The following DNAH10 variants were observed in gnomAD, a reference collection of about 807,000 sequenced individuals.
The protein encoded by DNAH10 is dynein axonemal heavy chain 10, also known as axonemal beta dynein heavy chain 10.
Under a neutral mutation model 506.6 loss-of-function variants are expected in DNAH10, and 348 were observed. The observed-to-expected ratio is 0.69, with a 90% CI of 0.63 to 0.75. The LOEUF (loss-of-function observed/expected upper bound fraction) is 0.75. Ranked by LOEUF, DNAH10 falls within the 30% of genes least tolerant of loss-of-function variation. The probability of loss-of-function intolerance (pLI) is 0.00; values close to 1 mark genes in which losing one functional copy is unlikely to be tolerated. For synonymous variants in DNAH10, 2,059 were observed against 2,198.6 expected, an observed-to-expected ratio of 0.94 and a Z score of 1.78; for missense variants, 5,179 against 5,787.1, an observed-to-expected ratio of 0.89 and a Z score of 3.41.
At position 123,931,856 on chromosome 12, in the gene DNAH10, G is replaced by C. The variant is rs201211325; in HGVS notation, c.13128+9G>C. ...TGGCTGAACTTCAAAGGGTGAGCCT[G>C]TCTCTCATGTGCAGATTACTGCCTA... On this transcript the variant is annotated intron_variant, in intron 75 of 78. Coordinates refer to ENST00000673944, the MANE Select transcript of DNAH10 (RefSeq NM_001372106.1). 1 of 1,613,804 alleles carries C rather than the reference G, an allele frequency of 6.2e-7. No individual in the cohort carries two copies. The highest frequency in any genetic ancestry group is 1.3e-5 in the African/African-American group (1 of 75,056).
At chr12:123,898,027 A>G (rs1371871264) in intron 55 of DNAH10, 60 bp downstream of exon 55, 3 of 1,440,006 alleles carry the variant, frequency 2.1e-6, no homozygotes, top group Non-Finnish European at 2.8e-6. Context: ...TAAGGATTCG[A>G]GCGCTGATCT....
Position 123,762,365 on chromosome 12 carries a change from G to A in DNAH10, c.29G>A (p.Arg10His). 7.3e-7 allele frequency: 1 copy of A among 1,363,172 alleles called. No individual in the cohort carries two copies. The highest frequency in any genetic ancestry group is 9.5e-7 in the Non-Finnish European group (1 of 1,054,766). 84.4% of individuals were successfully genotyped at this position (1,363,172 alleles called of 1,614,324 possible). Residue 10 changes from arginine to histidine, a missense_variant, in exon 1 of 79, where the codon CGC becomes CAC. Transcript: ENST00000673944. This position sits in a 1 kb window ranked among gnomAD's most constrained non-coding sequence, Gnocchi z 5.0. ...GACGACCTGCGGGTGCTGTGGATGC[G>A]CGACCGCGTGTATGCGGCTTTCGGC... Reference protein sequence around the residue: MDDLRVLWMRDRVYAAFGIT... With the variant: MDDLRVLWMHDRVYAAFGIT...
chr12:123,858,881 T>C (rs1439760347), intron 37 of DNAH10, among the ~76,000 whole-genome samples: 2 of 151,748 alleles, frequency 1.3e-5, no homozygotes, highest in Non-Finnish European at 2.9e-5. Flanking sequence ...AATACGCAAA[T>C]CCGTAGAGAC....
Position 123,919,377 on chromosome 12 carries a change from C to T in DNAH10, c.11506+428C>T, listed in dbSNP as rs988022789. On this transcript the variant is annotated intron_variant, in intron 65 of 78. Coordinates refer to ENST00000673944, the MANE Select transcript of DNAH10 (RefSeq NM_001372106.1). The surrounding 1 kb of genome is among the most constrained non-coding windows in gnomAD (Gnocchi z 4.9). ...AGGTGTGAGCCATCATGCCCAGCTC[C>T]GAATGGCATTCTTGAGTCTGGCGAT... is the stretch of plus-strand genomic sequence containing the variant. 3.3e-5 allele frequency among the ~76,000 whole-genome samples: 5 copies of T among 152,104 alleles called. No individual in the cohort carries two copies. The highest frequency in any genetic ancestry group is 5.9e-5 in the Non-Finnish European group (4 of 68,026).
chr12:123,915,657 G>A (rs1310934137), intron 62 of DNAH10, among the ~76,000 whole-genome samples: 1 of 152,134 alleles, frequency 6.6e-6, no homozygotes, highest in Non-Finnish European at 1.5e-5. Context: ...CTTTCACTCA[G>A]CCTGATGTTT....
intron 30 of DNAH10, among the ~76,000 whole-genome samples, chr12:123,842,914 T>C (rs575831107): frequency 2.0e-5 from 3 of 152,274 alleles, no homozygotes; most frequent in Admixed American, 6.5e-5. Context: ...ACCCCTGCTC[T>C]GGGCGATTTA....
chr12:123,827,094 A>G (rs1041831242), intron 25 of DNAH10, among the ~76,000 whole-genome samples, 196 bp downstream of exon 25: 8 of 151,138 alleles, frequency 5.3e-5, no homozygotes, highest in Admixed American at 2.6e-4. Context: ...CAACCACAGG[A>G]TTCTTTTAAA....
intron 59 of DNAH10, among the ~76,000 whole-genome samples, chr12:123,912,473 C>T (rs1954262590): frequency 1.7e-5 from 1 of 60,476 alleles, no homozygotes; most frequent in Non-Finnish European, 2.9e-5. Flanking sequence ...GGGGTCTGTC[C>T]TGGGGGGGGG....
intron 51 of DNAH10, among the ~76,000 whole-genome samples, chr12:123,885,109 G>A (rs1952674267): frequency 6.6e-6 from 1 of 152,228 alleles, no homozygotes. Flanking sequence ...CCATCGTTAA[G>A]TTGAGGAGTG....
chr12:123,926,623 G>T lies in DNAH10; in HGVS notation c.11922-14G>T. 1 of 1,607,688 alleles carries T rather than the reference G, an allele frequency of 6.2e-7. No homozygotes were observed. Among genetic ancestry groups the T allele is most frequent in the Non-Finnish European group, 8.5e-7 (1 of 1,176,348 alleles). ...CCTCGCGGGAGAGTTTTCTGACTGT[G>T]TTTCTTTCACCAGGTATGTGCAGCC... On this transcript the variant is annotated splice_polypyrimidine_tract_variant and intron_variant, in intron 68 of 78. Coordinates refer to ENST00000673944, the MANE Select transcript of DNAH10 (RefSeq NM_001372106.1). The surrounding 1 kb of genome is among the most constrained non-coding windows in gnomAD (Gnocchi z 4.1).
At position 123,806,829 on chromosome 12, in the gene DNAH10, G is replaced by A. The variant is rs150789942; in HGVS notation, c.2987+1789G>A. Among the ~76,000 whole-genome samples the A allele has an allele frequency of 1.8e-3, 263 of 150,124 alleles. 2 individuals carry two copies. The highest frequency in any genetic ancestry group is 5.9e-3 in the African/African-American group (242 of 40,690). On this transcript the variant is annotated intron_variant, in intron 18 of 78. Coordinates refer to ENST00000673944, the MANE Select transcript of DNAH10 (RefSeq NM_001372106.1). ...GTTGCCCAGGCTGGAGTGCAGTGGC[G>A]CAATCTTGGCTCGCTGCAACCTCCG...
At position 123,822,996 on chromosome 12, in the gene DNAH10, T is replaced by C. The variant is rs76438228; in HGVS notation, c.4179+2238T>C. On this transcript the variant is annotated intron_variant, in intron 24 of 78. Coordinates refer to ENST00000673944, the MANE Select transcript of DNAH10 (RefSeq NM_001372106.1). ...CCACTTGACACACAGGATTCACCTT[T>C]GCACCGATATGTGAACAAATAACCA... Among the ~76,000 whole-genome samples the C allele has an allele frequency of 9.5e-3, 1,448 of 152,348 alleles. 15 individuals carry two copies. The highest frequency in any genetic ancestry group is 0.031 in the African/African-American group (1,309 of 41,582).
chr12:123,859,108 A>G (rs143929477), intron 37 of DNAH10, 42 bp from the exon 38 acceptor site: 10 of 1,549,052 alleles, frequency 6.5e-6, no homozygotes, highest in Middle Eastern at 1.7e-4. Flanking sequence ...GCGTCAGAAA[A>G]AAGATAATGT....
In DNAH10 at chr12:123,918,669, T is replaced by C; in HGVS notation, c.11233-7T>C. 1 of 1,541,010 alleles carries C rather than the reference T, an allele frequency of 6.5e-7. No homozygotes were observed. The highest frequency in any genetic ancestry group is 8.8e-7 in the Non-Finnish European group (1 of 1,142,228). ...CTGTTTCCAGGGTCACCTGTGCTTT[T>C]CTTCAGGTCTCAGAGAAACTCAAGC... On this transcript the variant is annotated splice_region_variant and splice_polypyrimidine_tract_variant and intron_variant, in intron 64 of 78. Coordinates refer to ENST00000673944, the MANE Select transcript of DNAH10 (RefSeq NM_001372106.1).
intron 57 of DNAH10, among the ~76,000 whole-genome samples, chr12:123,908,109 C>CCTCCCTAT (rs2137359072): frequency 6.7e-6 from 1 of 149,302 alleles, no homozygotes; most frequent in African/African-American, 2.5e-5. Flanking sequence ...CTCCCTGTCT[C>CCTCCCTAT]CTCCCTGTCT....
intron 46 of DNAH10, 98 bp from the exon 47 acceptor site, chr12:123,875,133 C>T (rs1057465218): frequency 1.4e-5 from 20 of 1,395,856 alleles, no homozygotes; most frequent in Admixed American, 4.7e-5. Context: ...TGGAGAGTAA[C>T]GGGAAAAATG....
rs1466688479 is a variant in DNAH10 at position 123,919,079 on chromosome 12, T to C, written c.11506+130T>C. ...TTTTCTTTTTTCTTTCTTTCTTTCT[T>C]TTTCTTTTTTTTTTGAGATAGGGTC... On this transcript the variant is annotated intron_variant, in intron 65 of 78. Coordinates refer to ENST00000673944, the MANE Select transcript of DNAH10 (RefSeq NM_001372106.1). The surrounding 1 kb of genome is among the most constrained non-coding windows in gnomAD (Gnocchi z 4.9). The C allele has an allele frequency of 8.1e-7, 1 of 1,229,274 alleles. No individual in the cohort carries two copies. Among genetic ancestry groups the C allele is most frequent in the Non-Finnish European group, 1.1e-6 (1 of 920,426 alleles). 76.1% of individuals were successfully genotyped at this position (1,229,274 alleles called of 1,614,324 possible).
At chr12:123,920,045 C>T (rs919906718) in intron 65 of DNAH10, among the ~76,000 whole-genome samples, 10 of 152,128 alleles carry the variant, frequency 6.6e-5, no homozygotes, top group African/African-American at 2.4e-4. Flanking sequence ...AACTGTTTTC[C>T]AAAGTGACTA....
chr12:123,888,458 A>T (rs1015755325), intron 52 of DNAH10, among the ~76,000 whole-genome samples: 1 of 152,204 alleles, frequency 6.6e-6, no homozygotes, highest in Non-Finnish European at 1.5e-5. Context: ...TCCTAAATCC[A>T]GTGACAGCTG....
Sources: allele counts gnomAD v4.1 joint callset (sites outside exome capture counted in the v4.1 genomes callset), GRCh38; gene constraint gnomAD v4.1.1; non-coding constraint Gnocchi (gnomAD v3.1); transcripts MANE v1.5; gene names NCBI Gene and HGNC (gene_info 2026-07-23, HGNC 2026-07-21).